The following AAMP variants were observed in gnomAD, a reference collection of about 807,000 sequenced individuals.
AAMP encodes the protein angio-associated migratory cell protein.
Under a neutral mutation model 51.1 loss-of-function variants are expected in AAMP, and 12 were observed. That is an observed-to-expected ratio of 0.23 (90% CI 0.15 to 0.38). The LOEUF (loss-of-function observed/expected upper bound fraction) is 0.38. AAMP is among the 10% of genes least tolerant of loss of function. The pLI is 1.00. For missense variants in AAMP, 418 were observed against 557.2 expected (o/e 0.75, Z 2.52); for synonymous variants, 210 against 218.7 (o/e 0.96, Z 0.35).
chr2:218,270,020 CA>C lies in AAMP; in HGVS notation c.66del (p.His22GlnfsTer10). The C allele has an allele frequency of 6.2e-7, 1 of 1,614,166 alleles. No individual in the cohort carries two copies. The highest frequency in any genetic ancestry group is 8.5e-7 in the Non-Finnish European group (1 of 1,180,018). ...ACCACCTCGATAATCTCTTCATCAC[CA>C]TGGAAGCTTAGGGTCTCCAGTGGGG... ...DTPPLETLSFHGDEEIIEVVE... is the reference protein window; with the variant it reads ...DTPPLETLSFXGDEEIIEVVE... On this transcript the variant is annotated frameshift_variant, in exon 1 of 11. Transcript: ENST00000248450. LOFTEE classifies it high-confidence loss of function.
chr2:218,267,636 G>A lies in AAMP; in HGVS notation c.275-23C>T, dbSNP rs376084419. The A allele has an allele frequency of 2.8e-5, 45 of 1,613,938 alleles. No homozygotes were observed. Among genetic ancestry groups the A allele is most frequent in the Non-Finnish European group, 3.5e-5 (41 of 1,179,980 alleles). ...ATGCTGTCCCAAGAGATATTCCATGGGTAAGGGGACAGAGCTCCCACCTAG... is the reference window on the plus strand; with the variant it reads ...ATGCTGTCCCAAGAGATATTCCATGAGTAAGGGGACAGAGCTCCCACCTAG... On this transcript the variant is annotated intron_variant, in intron 2 of 10. Coordinates refer to ENST00000248450, the MANE Select transcript of AAMP (RefSeq NM_001087.5). The surrounding 1 kb of genome is among the most constrained non-coding windows in gnomAD (Gnocchi z 4.6).
At chr2:218,269,265 C>T in intron 2 of AAMP, 117 bp downstream of exon 2, 1 of 1,378,972 alleles carries the variant, frequency 7.3e-7, no homozygotes, top group Non-Finnish European at 1.0e-6. Context: ...GCTCCTCCAG[C>T]GCAAGGCCAG....
rs527700962 is a variant in AAMP at position 218,266,892 on chromosome 2, C to T, written c.489G>A (p.Val163=). The stretch of plus-strand genomic sequence containing the variant: ...AGGACCAGACCTCCTCCTTAGTGTC[C>T]ACCTGCCACACTTTCAAGAGGCCAC... The part of the protein sequence containing the change: ...DMSGLLKVWQ[V]DTKEEVWSFE... The change falls in exon 4 of 11, where the codon GTG becomes GTA. Residue 163 remains valine (V), a synonymous_variant. Transcript: ENST00000248450. The surrounding 1 kb of genome is among the most constrained non-coding windows in gnomAD (Gnocchi z 4.7). 1 of 1,614,172 alleles carries T rather than the reference C, an allele frequency of 6.2e-7. No homozygotes were observed. Among genetic ancestry groups the T allele is most frequent in the South Asian group, 1.1e-5 (1 of 91,078 alleles).
At position 218,269,436 on chromosome 2, in the gene AAMP, C is replaced by A. The variant is rs1376454953; in HGVS notation, c.220G>T (p.Val74Phe). 30 of 1,614,238 alleles carry A rather than the reference C, an allele frequency of 1.9e-5. No individual in the cohort carries two copies. Among genetic ancestry groups the A allele is most frequent in the Non-Finnish European group, 2.5e-5 (30 of 1,180,038 alleles). ...GWVLEPQEGVVGSMEGPDDSE... is the reference protein window; with the variant it reads ...GWVLEPQEGVFGSMEGPDDSE... ...TCGTCGGGGCCCTCCATGCTGCCGACCACCCCTTCCTGGGGTTCTAGAACC... is the reference window on the plus strand; with the variant it reads ...TCGTCGGGGCCCTCCATGCTGCCGAACACCCCTTCCTGGGGTTCTAGAACC... Residue 74 changes from valine to phenylalanine, a missense_variant, in exon 2 of 11, where the codon GTC (valine) becomes TTC (phenylalanine). Coordinates refer to ENST00000248450, the MANE Select transcript of AAMP (RefSeq NM_001087.5).
chr2:218,266,235 T>C lies in AAMP; in HGVS notation c.680-88A>G, dbSNP rs1036038158. Reference sequence around the variant, plus strand: ...TGGGGAGAGGGAGAGGAAAGAAGAGTGGAAGGGCCCAGACACTGCCCCAGG... The same window carrying C: ...TGGGGAGAGGGAGAGGAAAGAAGAGCGGAAGGGCCCAGACACTGCCCCAGG... On this transcript the variant is annotated intron_variant, in intron 5 of 10. Transcript: ENST00000248450. This position sits in a 1 kb window ranked among gnomAD's most constrained non-coding sequence, Gnocchi z 4.7. 13 of 1,399,752 alleles carry C rather than the reference T, an allele frequency of 9.3e-6. No individual in the cohort carries two copies. The African/African-American group carries it at 1.7e-4, about 18-fold the overall frequency. The allele number at this position is 1,399,752 out of a possible 1,614,324, so 86.7% of individuals were successfully genotyped here. A position where few individuals can be genotyped will look rare whatever the true frequency, so the allele number is the denominator to read the frequency against.
rs548080572 is a variant in AAMP, at chr2:218,270,008, T to C, written c.79A>G (p.Ile27Val). The stretch of plus-strand genomic sequence containing the variant: ...GGATCAAGTTCTACCACCTCGATAA[T>C]CTCTTCATCACCATGGAAGCTTAGG... The part of the protein sequence containing the change: ...ETLSFHGDEE[I>V]IEVVELDPGP... Residue 27 changes from isoleucine to valine, a missense_variant, in exon 1 of 11, where the codon ATT (isoleucine) becomes GTT (valine). Ile to Val is a conservative substitution (Grantham distance 29). Coordinates refer to ENST00000248450, the MANE Select transcript of AAMP (RefSeq NM_001087.5). 1 of 1,614,050 alleles carries C rather than the reference T, an allele frequency of 6.2e-7. No homozygotes were observed. The highest frequency in any genetic ancestry group is 1.1e-5 in the South Asian group (1 of 91,078).
Position 218,265,555 on chromosome 2 carries a change from A to T in AAMP, c.983+24T>A. The T allele has an allele frequency of 6.2e-7, 1 of 1,608,612 alleles. No homozygotes were observed. Among genetic ancestry groups the T allele is most frequent in the East Asian group, 2.2e-5 (1 of 44,828 alleles). ...CCCCCAGCCCAGGCCCCTCCCACAA[A>T]CCCCTTTCCCCATCCTCACTCACAC... On this transcript the variant is annotated intron_variant, in intron 8 of 10. Transcript: ENST00000248450. The surrounding 1 kb of genome is among the most constrained non-coding windows in gnomAD (Gnocchi z 6.6).
rs763866527 is a variant in AAMP at position 218,267,837 on chromosome 2, C to G, written c.275-224G>C. Among the ~76,000 whole-genome samples the G allele has an allele frequency of 6.6e-6, 1 of 152,226 alleles. No homozygotes were observed. Among genetic ancestry groups the G allele is most frequent in the Non-Finnish European group, 1.5e-5 (1 of 68,044 alleles). On this transcript the variant is annotated intron_variant, in intron 2 of 10. Transcript: ENST00000248450. This position sits in a 1 kb window ranked among gnomAD's most constrained non-coding sequence, Gnocchi z 4.6. ...CAGAGTAGATCCCCTCACTGTGTGA[C>G]TCCCGTCACCACCCAACACCAATGC...
rs750167662 is a variant in AAMP, at chr2:218,269,437, C to A, written c.219G>T (p.Val73=). Residue 73 remains valine (V), a synonymous_variant, in exon 2 of 11, where the codon GTG becomes GTT. Coordinates refer to ENST00000248450, the MANE Select transcript of AAMP (RefSeq NM_001087.5). ...CGTCGGGGCCCTCCATGCTGCCGAC[C>A]ACCCCTTCCTGGGGTTCTAGAACCC... is the stretch of plus-strand genomic sequence containing the variant. ...EGWVLEPQEG[V]VGSMEGPDDS... is the part of the protein sequence containing the mutation. The A allele has an allele frequency of 3.1e-6, 5 of 1,614,098 alleles. No homozygotes were observed. In the African/African-American group the frequency reaches 6.7e-5, roughly 22 times the overall value.
Position 218,264,427 on chromosome 2 carries a change from G to T in AAMP, c.*106C>A. ...TGAAGAGGCTGGAAAGTCATCCAGG[G>T]CCCCACCCTCCTCTTCCCTCTGTGC... is the stretch of plus-strand genomic sequence containing the variant. On this transcript the variant is annotated 3_prime_UTR_variant, in exon 11 of 11. Transcript: ENST00000248450. The T allele has an allele frequency of 5.4e-6, 6 of 1,116,012 alleles. No homozygotes were observed. The highest frequency in any genetic ancestry group is 8.2e-6 in the Non-Finnish European group (6 of 735,548). The allele number at this position is 1,116,012 out of a possible 1,614,324, so 69.1% of individuals were successfully genotyped here.
Position 218,265,325 on chromosome 2 carries a change from C to G in AAMP, c.1074+46G>C. Reference sequence around the variant, plus strand: ...CTCCTGGAGGCCTGGGCTTCCCCACCACTATGGACACAGCCCACAGGGACC... The same window carrying G: ...CTCCTGGAGGCCTGGGCTTCCCCACGACTATGGACACAGCCCACAGGGACC... On this transcript the variant is annotated intron_variant, in intron 9 of 10. Coordinates refer to ENST00000248450, the MANE Select transcript of AAMP (RefSeq NM_001087.5). The surrounding 1 kb of genome is among the most constrained non-coding windows in gnomAD (Gnocchi z 6.6). The G allele has an allele frequency of 6.5e-7, 1 of 1,531,218 alleles. No individual in the cohort carries two copies. Among genetic ancestry groups the G allele is most frequent in the South Asian group, 1.2e-5 (1 of 84,234 alleles). The allele number at this position is 1,531,218 out of a possible 1,614,324, so 94.9% of individuals were successfully genotyped here. A position where few individuals can be genotyped will look rare whatever the true frequency, so the allele number is the denominator to read the frequency against.
chr2:218,267,137 C>G lies in AAMP; in HGVS notation c.395-151G>C. On this transcript the variant is annotated intron_variant, in intron 3 of 10. Transcript: ENST00000248450. This position sits in a 1 kb window ranked among gnomAD's most constrained non-coding sequence, Gnocchi z 4.6. Reference sequence around the variant, plus strand: ...GAACAGGTGCTGGAACTCACCACCACTCTAGGAACCAATACTCCCATGTCT... The same window carrying G: ...GAACAGGTGCTGGAACTCACCACCAGTCTAGGAACCAATACTCCCATGTCT... The G allele has an allele frequency of 1.1e-6, 1 of 892,422 alleles. No homozygotes were observed. The highest frequency in any genetic ancestry group is 1.7e-6 in the Non-Finnish European group (1 of 594,884). 55.3% of individuals were successfully genotyped at this position (892,422 alleles called of 1,614,324 possible).
chr2:218,265,739 A>G lies in AAMP; in HGVS notation c.880-57T>C. Reference sequence around the variant, plus strand: ...GGAATCCGGGTGCTTGATGGAGAGAAAGACGGTGGGGAGAGGAGACAGTGA... The same window carrying G: ...GGAATCCGGGTGCTTGATGGAGAGAGAGACGGTGGGGAGAGGAGACAGTGA... On this transcript the variant is annotated intron_variant, in intron 7 of 10. Coordinates refer to ENST00000248450, the MANE Select transcript of AAMP (RefSeq NM_001087.5). The surrounding 1 kb of genome is among the most constrained non-coding windows in gnomAD (Gnocchi z 6.6). 3 of 1,584,620 alleles carry G rather than the reference A, an allele frequency of 1.9e-6. No homozygotes were observed. Among genetic ancestry groups the G allele is most frequent in the South Asian group, 1.1e-5 (1 of 90,560 alleles).
At position 218,265,942 on chromosome 2, in the gene AAMP, A is replaced by G; in HGVS notation, c.768T>C (p.Thr256=). The change falls in exon 7 of 11, where the codon ACT becomes ACC. Residue 256 remains threonine (T), a synonymous_variant. Transcript: ENST00000248450. The surrounding 1 kb of genome is among the most constrained non-coding windows in gnomAD (Gnocchi z 6.6). ...AGGTGAGTGGGCCCTGGTGACCCTC[A>G]GTCCCTAGCATAGAGCAGGGAGGCA... is the stretch of plus-strand genomic sequence containing the variant. ...QGSPIHVLKG[T]EGHQGPLTCV... 3 of 1,613,728 alleles carry G rather than the reference A, an allele frequency of 1.9e-6. No homozygotes were observed. Among genetic ancestry groups the G allele is most frequent in the Non-Finnish European group, 2.5e-6 (3 of 1,179,734 alleles).
chr2:218,268,336 C>CTGATT (rs1690684126), intron 2 of AAMP, among the ~76,000 whole-genome samples: 1 of 150,876 alleles, frequency 6.6e-6, no homozygotes, highest in Admixed American at 6.6e-5. Flanking sequence ...ATAATTATCT[C>CTGATT]TCATTTTATT....
chr2:218,265,077 C>A lies in AAMP; in HGVS notation c.1172G>T (p.Arg391Leu), dbSNP rs753016891. The A allele has an allele frequency of 6.2e-7, 1 of 1,613,640 alleles. No individual in the cohort carries two copies. Reference protein sequence around the residue: ...IVRLWDARTGRLLTDYRGHTA... With the variant: ...IVRLWDARTGLLLTDYRGHTA... ...GTGGCCCCGGTAGTCAGTAAGCAGG[C>A]GGCCGGTCCGGGCGTCCCAGAGGCG... Residue 391 changes from arginine (R) to leucine (L), a missense_variant, in exon 10 of 11, where the codon CGC becomes CTC. Transcript: ENST00000248450. The surrounding 1 kb of genome is among the most constrained non-coding windows in gnomAD (Gnocchi z 6.6).
chr2:218,267,097 G>C lies in AAMP; in HGVS notation c.395-111C>G, dbSNP rs1574610680. On this transcript the variant is annotated intron_variant, in intron 3 of 10. Coordinates refer to ENST00000248450, the MANE Select transcript of AAMP (RefSeq NM_001087.5). This position sits in a 1 kb window ranked among gnomAD's most constrained non-coding sequence, Gnocchi z 4.6. ...AAAGGACCAGCTAGGAAAAAAAGAG[G>C]GGCGGGACTGAGCAGAACAGGTGCT... The C allele has an allele frequency of 3.1e-6, 4 of 1,298,284 alleles. No homozygotes were observed. In the South Asian group the frequency reaches 5.4e-5, roughly 18 times the overall value. 80.4% of individuals were successfully genotyped at this position (1,298,284 alleles called of 1,614,324 possible). A position where few individuals can be genotyped will look rare whatever the true frequency, so the allele number is the denominator to read the frequency against.
In AAMP at chr2:218,266,981, T is replaced by C; in HGVS notation, c.400A>G (p.Lys134Glu). The C allele has an allele frequency of 6.2e-7, 1 of 1,612,938 alleles. No individual in the cohort carries two copies. The highest frequency in any genetic ancestry group is 8.5e-7 in the Non-Finnish European group (1 of 1,179,008). The change falls in exon 4 of 11, where the codon AAA (lysine) becomes GAA (glutamate). Residue 134 changes from lysine (K) to glutamate (E), a missense_variant. By Grantham distance (56) the Lys-to-Glu change is moderately conservative (BLOSUM62 1). Transcript: ENST00000248450. The surrounding 1 kb of genome is among the most constrained non-coding windows in gnomAD (Gnocchi z 4.7). The stretch of plus-strand genomic sequence containing the variant: ...AAACCAGCACAAGTCACAGAGTCTT[T>C]ATGGCCTTCAAAGAAAAGTGGGCAG... ...GELLFECAGHKDSVTCAGFSH... is the reference protein window; with the variant it reads ...GELLFECAGHEDSVTCAGFSH...
At position 218,266,241 on chromosome 2, in the gene AAMP, GGCCCAGACACT is replaced by G. The variant is rs1468106480; in HGVS notation, c.680-105_680-95del. 3 of 1,371,998 alleles carry G rather than the reference GGCCCAGACACT, an allele frequency of 2.2e-6. No individual in the cohort carries two copies. In the African/African-American group the frequency reaches 4.3e-5, roughly 20 times the overall value. 85.0% of individuals were successfully genotyped at this position (1,371,998 alleles called of 1,614,324 possible). The stretch of plus-strand genomic sequence containing the variant: ...GAGGGAGAGGAAAGAAGAGTGGAAG[GGCCCAGACACT>G]GCCCCAGGAATCACAGGTGAGTTCA... On this transcript the variant is annotated intron_variant, in intron 5 of 10. Coordinates refer to ENST00000248450, the MANE Select transcript of AAMP (RefSeq NM_001087.5). The surrounding 1 kb of genome is among the most constrained non-coding windows in gnomAD (Gnocchi z 4.7).
Sources: allele counts gnomAD v4.1 joint callset (sites outside exome capture counted in the v4.1 genomes callset), GRCh38; gene constraint gnomAD v4.1.1; non-coding constraint Gnocchi (gnomAD v3.1); transcripts MANE v1.5; gene names NCBI Gene and HGNC (gene_info 2026-07-23, HGNC 2026-07-21).